Variants in DSCAM observed in about 807,000 individuals in gnomAD.
DSCAM encodes the protein DS cell adhesion molecule.
DSCAM carries 47 observed loss-of-function variants against 217.7 expected under a neutral mutation model. The ratio of observed to expected loss-of-function variants is 0.22; its 90% CI spans 0.17 to 0.28. The LOEUF (loss-of-function observed/expected upper bound fraction) is 0.28. DSCAM is among the 10% of genes least tolerant of loss of function. DSCAM has a pLI of 1.00. For synonymous variants in DSCAM, 1,056 were observed against 1,015.3 expected, an observed-to-expected ratio of 1.04 and a Z score of -0.76; for missense variants, 2,080 against 2,618.3, an observed-to-expected ratio of 0.79 and a Z score of 4.49.
intron 1 of DSCAM, among the ~76,000 whole-genome samples, chr21:40,841,785 G>C (rs1024004131): frequency 6.6e-6 from 1 of 152,216 alleles, no homozygotes; most frequent in Non-Finnish European, 1.5e-5. Context: ...CTTTGGAAAG[G>C]GGGTGCAAAT....
chr21:40,360,856 GTAGCTC>G (rs553795751), intron 4 of DSCAM, among the ~76,000 whole-genome samples: 150 of 152,234 alleles, frequency 9.9e-4, no homozygotes, highest in African/African-American at 3.1e-3. Context: ...GGGTCAAATG[GTAGCTC>G]TATTTTAAGT....
intron 1 of DSCAM, among the ~76,000 whole-genome samples, chr21:40,799,667 T>A (rs1002636370): frequency 6.6e-6 from 1 of 152,222 alleles, no homozygotes; most frequent in African/African-American, 2.4e-5. Context: ...AAAGACCTCT[T>A]GAATTCCTTG....
intron 1 of DSCAM, among the ~76,000 whole-genome samples, chr21:40,839,814 C>T (rs1423724424): frequency 6.6e-6 from 1 of 152,126 alleles, no homozygotes; most frequent in East Asian, 1.9e-4. Context: ...TTAAATCTTA[C>T]TCACTGTCTT....
intron 3 of DSCAM, among the ~76,000 whole-genome samples, chr21:40,686,821 A>C (rs898959863): frequency 2.6e-5 from 4 of 152,190 alleles, no homozygotes; most frequent in Non-Finnish European, 5.9e-5. Flanking sequence ...CCAGAGCTGT[A>C]AACAACCAGC....
At chr21:40,687,505 GC>G (rs974382408) in intron 3 of DSCAM, among the ~76,000 whole-genome samples, 3 of 151,912 alleles carry the variant, frequency 2.0e-5, no homozygotes, top group Non-Finnish European at 4.4e-5. Context: ...CAAAGCAGAG[GC>G]CCCCCACAGC....
chr21:40,275,162 T>TA (rs146334932), intron 11 of DSCAM, among the ~76,000 whole-genome samples: 128 of 111,928 alleles, frequency 1.1e-3, no homozygotes, highest in South Asian at 9.9e-3. Flanking sequence ...CTCATCTTTA[T>TA]AAAAAATTAA....
intron 3 of DSCAM, among the ~76,000 whole-genome samples, chr21:40,566,144 T>A (rs1391884317): frequency 6.6e-6 from 1 of 152,136 alleles, no homozygotes; most frequent in Non-Finnish European, 1.5e-5. Flanking sequence ...GTTTCAGGGT[T>A]TTCTCCTTAG....
At chr21:40,834,426 AAAT>A (rs57612141) in intron 1 of DSCAM, among the ~76,000 whole-genome samples, 29,251 of 141,236 alleles carry the variant, frequency 0.21, 3,060 homozygotes, top group African/African-American at 0.25. Context: ...AATAATAATA[AAAT>A]AATAATAATA....
At chr21:40,836,553 A>G (rs2092058180) in intron 1 of DSCAM, among the ~76,000 whole-genome samples, 1 of 152,204 alleles carries the variant, frequency 6.6e-6, no homozygotes, top group Non-Finnish European at 1.5e-5. Context: ...GTATACAGAC[A>G]TTCCCAATAA....
At chr21:40,784,291 C>T (rs976374958) in intron 1 of DSCAM, among the ~76,000 whole-genome samples, 1 of 152,054 alleles carries the variant, frequency 6.6e-6, no homozygotes, top group African/African-American at 2.4e-5. Flanking sequence ...TACAAGATCT[C>T]ATGGTTTTAT....
In DSCAM at chr21:40,829,454, C is replaced by T. The variant is rs138374163; in HGVS notation, c.43+17165G>A. Among the ~76,000 whole-genome samples the T allele has an allele frequency of 3.3e-5, 5 of 152,262 alleles. No individual in the cohort carries two copies. The South Asian group carries it at 8.3e-4, about 25-fold the overall frequency. Reference sequence around the variant, plus strand: ...GAGACCAGTCAGAGCACAGTGTGTGCAGCGAGAGCTCCTTGGTCAAGTGCA... The same window carrying T: ...GAGACCAGTCAGAGCACAGTGTGTGTAGCGAGAGCTCCTTGGTCAAGTGCA... On this transcript the variant is annotated intron_variant, in intron 1 of 32. Coordinates refer to ENST00000400454, the MANE Select transcript of DSCAM (RefSeq NM_001389.5).
At chr21:40,065,477 A>G (rs1029717543) in intron 27 of DSCAM, among the ~76,000 whole-genome samples, 2 of 152,164 alleles carry the variant, frequency 1.3e-5, no homozygotes, top group African/African-American at 4.8e-5. Context: ...CAGAATCTTA[A>G]GAGCAATAAA....
intron 15 of DSCAM, among the ~76,000 whole-genome samples, chr21:40,171,185 C>T (rs1412855054): frequency 6.6e-6 from 1 of 152,206 alleles, no homozygotes; most frequent in Non-Finnish European, 1.5e-5. Flanking sequence ...TCAAGCTATT[C>T]TCCTGCTTCA....
At position 40,341,223 on chromosome 21, in the gene DSCAM, C is replaced by T. The variant is rs2074487868; in HGVS notation, c.1211-1808G>A. On this transcript the variant is annotated intron_variant, in intron 6 of 32. Transcript: ENST00000400454. ...CACTGCAGACGTTGCCTCATCACAT[C>T]CTGTGTTTAATTTTACAGAGAAGTT... Among the ~76,000 whole-genome samples the T allele has an allele frequency of 1.3e-5, 2 of 152,136 alleles. 1 individual carries two copies. The highest frequency in any genetic ancestry group is 4.1e-4 in the South Asian group (2 of 4,832).
intron 3 of DSCAM, among the ~76,000 whole-genome samples, chr21:40,642,875 G>T (rs1269777479): frequency 6.6e-6 from 1 of 152,168 alleles, no homozygotes; most frequent in African/African-American, 2.4e-5. Flanking sequence ...CTGTGATTCT[G>T]ATGTGTGATG....
intron 3 of DSCAM, among the ~76,000 whole-genome samples, chr21:40,511,610 ATAGAG>A (rs763600727): frequency 2.2e-4 from 34 of 152,162 alleles, no homozygotes; most frequent in South Asian, 4.1e-4. Flanking sequence ...ATAATTCTTT[ATAGAG>A]TAAAGTTACA....
At chr21:40,516,341 T>G (rs2146074644) in intron 3 of DSCAM, among the ~76,000 whole-genome samples, 2 of 152,278 alleles carry the variant, frequency 1.3e-5, no homozygotes, top group South Asian at 4.1e-4. Flanking sequence ...TCATGTTCCA[T>G]TCAACAGAGG....
intron 20 of DSCAM, among the ~76,000 whole-genome samples, chr21:40,110,529 G>A (rs1192393151): frequency 6.6e-6 from 1 of 152,186 alleles, no homozygotes; most frequent in Non-Finnish European, 1.5e-5. Flanking sequence ...CCAAAGGAAC[G>A]TAGCTCCTCA....
intron 3 of DSCAM, among the ~76,000 whole-genome samples, chr21:40,402,675 TG>T (rs1440117759): frequency 1.8e-4 from 26 of 143,602 alleles, no homozygotes; most frequent in African/African-American, 6.9e-4. Flanking sequence ...CTTTTTTATT[TG>T]TTTTTTTTTT....
Sources: allele counts gnomAD v4.1 joint callset (sites outside exome capture counted in the v4.1 genomes callset), GRCh38; gene constraint gnomAD v4.1.1; transcripts MANE v1.5; gene names NCBI Gene and HGNC (gene_info 2026-07-23, HGNC 2026-07-21).